Variants in PRKDC observed in about 807,000 individuals in gnomAD.
PRKDC encodes the protein DNA-dependent protein kinase catalytic subunit.
A neutral mutation model predicts 486.9 loss-of-function variants in PRKDC; 82 were observed. That is an observed-to-expected ratio of 0.17 (90% CI 0.14 to 0.20). The LOEUF (loss-of-function observed/expected upper bound fraction) is 0.20, where lower values mean the gene tolerates loss of function less well. Ranked by LOEUF, PRKDC falls within the 10% of genes least tolerant of loss-of-function variation. PRKDC has a pLI of 1.00. For missense variants in PRKDC, 4,504 were observed against 5,038.2 expected (o/e 0.89, Z 3.21); for synonymous variants, 1,895 against 1,837.0 (o/e 1.03, Z -0.81).
In PRKDC at chr8:47,834,210, T is replaced by A. The variant is rs1328466669; in HGVS notation, c.8138A>T (p.Asp2713Val). 1.2e-6 allele frequency: 2 copies of A among 1,613,944 alleles called. No homozygotes were observed. The highest frequency in any genetic ancestry group is 1.3e-5 in the African/African-American group (1 of 74,948). ...KRLGLPGDEV[D>V]NKVKGAAGRT... ...ACCCAGCTTACCTTTCACTTTGTTA[T>A]CCACCTCGTCCCCTGGAAGGCCCAG... The change falls in exon 59 of 86, where the codon GAT becomes GTT. Residue 2713 changes from aspartate (D) to valine (V), a missense_variant. Around this residue, in one of 6 missense-constraint regions of PRKDC, gnomAD observed 1,592 missense variants for 1,724.6 expected, o/e 0.92. Transcript: ENST00000314191.
At chr8:47,930,084 T>A (rs1473822461) in intron 17 of PRKDC, 72 bp from the exon 18 acceptor site, 3 of 1,327,570 alleles carry the variant, frequency 2.3e-6, no homozygotes, top group Admixed American at 4.3e-5. Context: ...AGGGACATAA[T>A]CGAACAACTA....
Position 47,777,834 on chromosome 8 carries a change from C to T in PRKDC, c.11894G>A (p.Arg3965His), listed in dbSNP as rs762827851. Residue 3965 changes from arginine to histidine, a missense_variant, in exon 84 of 86, where the codon CGC becomes CAC. Arg to His is a conservative substitution (Grantham distance 29). Coordinates refer to ENST00000314191, the MANE Select transcript of PRKDC (RefSeq NM_006904.7). ...VPELMPFRLT[R>H]QFINLMLPMK... ...TGGTAACATCAGATTGATAAACTGG[C>T]GAGTTAGCCGAAAAGGCATCAACTC... 2.0e-5 allele frequency: 33 copies of T among 1,613,736 alleles called. 1 individual carries two copies. The South Asian group carries it at 3.1e-4, about 15-fold the overall frequency.
At chr8:47,808,304 T>C (rs1216340428) in intron 68 of PRKDC, among the ~76,000 whole-genome samples, 3 of 151,778 alleles carry the variant, frequency 2.0e-5, no homozygotes, top group African/African-American at 7.3e-5. Flanking sequence ...TGCTACCGCA[T>C]CAAGCTAAGT....
intron 80 of PRKDC, among the ~76,000 whole-genome samples, chr8:47,780,850 A>G (rs1271421029): frequency 6.6e-6 from 1 of 152,116 alleles, no homozygotes; most frequent in Non-Finnish European, 1.5e-5. Context: ...AGGCAGGAGA[A>G]TTGCTGGAAC....
Position 47,837,329 on chromosome 8 carries a change from A to G in PRKDC, c.7644T>C (p.Pro2548=), listed in dbSNP as rs766020301. The stretch of plus-strand genomic sequence containing the variant: ...AACTTAAAAAGTGCACTTCTATCTT[A>G]GGAGAATATAAGGAATTTAGTGCCA... The part of the protein sequence containing the change: ...RLLALNSLYS[P]KIEVHFLSLA... Residue 2548 remains proline (P), a synonymous_variant, in exon 57 of 86, where the codon CCT becomes CCC. Coordinates refer to ENST00000314191, the MANE Select transcript of PRKDC (RefSeq NM_006904.7). 6.2e-7 allele frequency: 1 copy of G among 1,613,156 alleles called. No homozygotes were observed.
intron 74 of PRKDC, among the ~76,000 whole-genome samples, chr8:47,793,860 T>C (rs980716605): frequency 2.0e-5 from 3 of 152,104 alleles, no homozygotes; most frequent in African/African-American, 2.4e-5. Context: ...ATCCTTGAAA[T>C]AGTTGCGCAC....
chr8:47,858,835 A>G lies in PRKDC; in HGVS notation c.6345+14T>C, dbSNP rs1293186011. ...GAATATAGTATTAACAGGTAAGATG[A>G]GTGGGAAAAGCACCTCTTCTCCTTG... On this transcript the variant is annotated intron_variant, in intron 47 of 85. Transcript: ENST00000314191. 1.2e-6 allele frequency: 2 copies of G among 1,611,236 alleles called. No individual in the cohort carries two copies. Among genetic ancestry groups the G allele is most frequent in the South Asian group, 1.1e-5 (1 of 90,904 alleles).
chr8:47,898,130 G>A (rs564014492), intron 29 of PRKDC, among the ~76,000 whole-genome samples: 1 of 152,184 alleles, frequency 6.6e-6, no homozygotes, highest in Admixed American at 6.5e-5. Flanking sequence ...CAAAATTTAC[G>A]GAATAATGGT....
Position 47,957,273 on chromosome 8 carries a change from AAG to A in PRKDC, c.232-12_232-11del. 1 of 1,587,360 alleles carries A rather than the reference AAG, an allele frequency of 6.3e-7. No homozygotes were observed. The highest frequency in any genetic ancestry group is 1.1e-5 in the South Asian group (1 of 89,510). Reference sequence around the variant, plus strand: ...CTCTACATTCACGAAACTGTAATGAAAGAGATACATATTGTAAATATGGGTAA... The same window carrying A: ...CTCTACATTCACGAAACTGTAATGAAAGATACATATTGTAAATATGGGTAA... On this transcript the variant is annotated splice_polypyrimidine_tract_variant and intron_variant, in intron 2 of 85. Transcript: ENST00000314191.
intron 4 of PRKDC, among the ~76,000 whole-genome samples, chr8:47,955,109 G>C (rs914628547): frequency 6.6e-6 from 1 of 150,924 alleles, no homozygotes; most frequent in East Asian, 2.0e-4. Context: ...AGCCGAGATT[G>C]CGCCACTGCA....
At chr8:47,810,276 A>G (rs969104934) in intron 68 of PRKDC, among the ~76,000 whole-genome samples, 2 of 152,226 alleles carry the variant, frequency 1.3e-5, no homozygotes, top group African/African-American at 4.8e-5. Flanking sequence ...GTGCAATAAG[A>G]TATTTTGAGA....
intron 74 of PRKDC, among the ~76,000 whole-genome samples, chr8:47,789,628 C>T (rs1032558146): frequency 1.3e-5 from 2 of 152,114 alleles, no homozygotes; most frequent in Admixed American, 6.6e-5. Context: ...AGGCCAATAT[C>T]CCTGATGAAC....
intron 42 of PRKDC, among the ~76,000 whole-genome samples, chr8:47,862,974 A>T (rs1255735643): frequency 1.3e-5 from 2 of 152,240 alleles, no homozygotes; most frequent in Non-Finnish European, 2.9e-5. Flanking sequence ...ACTCCATTAA[A>T]AGACAAGTTT....
intron 18 of PRKDC, among the ~76,000 whole-genome samples, chr8:47,929,528 G>A (rs1414169363): frequency 2.0e-5 from 3 of 152,194 alleles, no homozygotes; most frequent in Non-Finnish European, 4.4e-5. Flanking sequence ...TCACCTGGTG[G>A]TGCTTAGCAG....
At chr8:47,792,469 AG>A in intron 74 of PRKDC, among the ~76,000 whole-genome samples, 1 of 152,130 alleles carries the variant, frequency 6.6e-6, no homozygotes, top group East Asian at 1.9e-4. Flanking sequence ...CGCATTAGCC[AG>A]GATGGTCTCG....
chr8:47,905,565 C>T (rs1351901604), intron 25 of PRKDC, among the ~76,000 whole-genome samples: 1 of 152,142 alleles, frequency 6.6e-6, no homozygotes, highest in Non-Finnish European at 1.5e-5. Context: ...TGTGGTTCCC[C>T]ACAGCCTAAC....
intron 85 of PRKDC, among the ~76,000 whole-genome samples, chr8:47,775,938 C>T (rs2086601136): frequency 6.6e-6 from 1 of 151,938 alleles, no homozygotes; most frequent in African/African-American, 2.4e-5. Flanking sequence ...ATTCTCCTCC[C>T]TCAGCCTCCC....
At chr8:47,838,664 T>A (rs1319037982) in intron 56 of PRKDC, among the ~76,000 whole-genome samples, 1 of 152,218 alleles carries the variant, frequency 6.6e-6, no homozygotes, top group African/African-American at 2.4e-5. Flanking sequence ...ATAATCAGTA[T>A]TTGGTAAGAA....
At chr8:47,849,048 G>A (rs1188776941) in intron 54 of PRKDC, 106 bp downstream of exon 54, 8 of 1,377,820 alleles carry the variant, frequency 5.8e-6, no homozygotes, top group Non-Finnish European at 7.9e-6. Flanking sequence ...CTTCACAAAT[G>A]TGTATATCAT....
Sources: gnomAD v4.1 joint callset for allele counts (sites outside exome capture counted in the v4.1 genomes callset) on GRCh38, gnomAD v4.1.1 for gene constraint, gnomAD v4.1.1 regional missense constraint, MANE v1.5 for transcripts, NCBI Gene and HGNC (gene_info 2026-07-23, HGNC 2026-07-21) for gene names.